ESPNL: variants seen among roughly 807,000 people sequenced by gnomAD.
ESPNL encodes the protein espin-like protein.
ESPNL carries 49 observed loss-of-function variants against 46.8 expected under a neutral mutation model. The ratio of observed to expected loss-of-function variants is 1.05; its 90% CI spans 0.83 to 1.33. The LOEUF is 1.33. Among genes scored for constraint, ESPNL ranks in the 40% most tolerant of loss-of-function variants. ESPNL has a pLI of 0.00. For synonymous variants in ESPNL, 664 were observed against 662.1 expected (o/e 1.00, Z -0.04); for missense variants, 1,540 against 1,436.6 (o/e 1.07, Z -1.16).
chr2:238,129,201 T>A, intron 8 of ESPNL: 1 of 1,324,674 alleles, frequency 7.5e-7, no homozygotes, highest in Non-Finnish European at 9.6e-7. Flanking sequence ...GGGCGCAGCG[T>A]CTAGCAGGGA....
At chr2:238,117,206 G>A (rs1216365645) in intron 5 of ESPNL, among the ~76,000 whole-genome samples, 172 bp downstream of exon 5, 1 of 152,232 alleles carries the variant, frequency 6.6e-6, no homozygotes, top group Non-Finnish European at 1.5e-5. Flanking sequence ...GGCGCCACAG[G>A]GCAGCCAGTG....
intron 1 of ESPNL, among the ~76,000 whole-genome samples, chr2:238,101,145 C>T (rs553350410): frequency 6.6e-6 from 1 of 152,316 alleles, no homozygotes; most frequent in East Asian, 1.9e-4. Context: ...TTGTCCGGAT[C>T]GTTTCTACTG....
At chr2:238,102,720 C>A (rs951886184) in intron 2 of ESPNL, among the ~76,000 whole-genome samples, 2 of 152,324 alleles carry the variant, frequency 1.3e-5, no homozygotes, top group South Asian at 4.1e-4. Flanking sequence ...CCTCCCTCCC[C>A]ACCTGGAAGC....
At chr2:238,127,170 G>A (rs1449903639) in intron 6 of ESPNL, among the ~76,000 whole-genome samples, 1 of 152,140 alleles carries the variant, frequency 6.6e-6, no homozygotes, top group East Asian at 1.9e-4. Flanking sequence ...GATTGTGTCT[G>A]TGCATGTCTG....
chr2:238,105,301 A>G (rs1463464518), intron 3 of ESPNL, among the ~76,000 whole-genome samples: 1 of 152,232 alleles, frequency 6.6e-6, no homozygotes, highest in East Asian at 1.9e-4. Context: ...ACCCCAGAGC[A>G]GAGTGGCTGA....
intron 7 of ESPNL, among the ~76,000 whole-genome samples, chr2:238,128,302 G>A (rs1343485703): frequency 6.6e-6 from 1 of 152,190 alleles, no homozygotes; most frequent in African/African-American, 2.4e-5. Context: ...GAGCGCGCAC[G>A]GCACATTGAA....
At chr2:238,107,691 G>A in intron 3 of ESPNL, 100 bp from the exon 4 acceptor site, 1 of 1,228,420 alleles carries the variant, frequency 8.1e-7, no homozygotes, top group Non-Finnish European at 1.1e-6. Flanking sequence ...GCCCCGAGAG[G>A]TACAGCCAGA....
chr2:238,128,601 T>C lies in ESPNL; in HGVS notation c.1216-106T>C. 3 of 1,075,580 alleles carry C rather than the reference T, an allele frequency of 2.8e-6. No homozygotes were observed. The South Asian group carries it at 4.6e-5, about 17-fold the overall frequency. The allele number at this position is 1,075,580 out of a possible 1,614,324, so 66.6% of individuals were successfully genotyped here. A position where few individuals can be genotyped will look rare whatever the true frequency, so the allele number is the denominator to read the frequency against. Reference sequence around the variant, plus strand: ...CTGTCCCTCCTCTCAGGGCGCCCTGTTAGCGTGCCCTGGGCGGAGCCAACC... The same window carrying C: ...CTGTCCCTCCTCTCAGGGCGCCCTGCTAGCGTGCCCTGGGCGGAGCCAACC... On this transcript the variant is annotated intron_variant, in intron 7 of 8. Transcript: ENST00000343063.
At position 238,130,456 on chromosome 2, in the gene ESPNL, A is replaced by G. The variant is rs772332047; in HGVS notation, c.1742A>G (p.Glu581Gly). Residue 581 changes from glutamate (E) to glycine (G), a missense_variant, in exon 9 of 9, where the codon GAG becomes GGG. Physicochemically the swap from Glu to Gly is moderately conservative, Grantham distance 98 (BLOSUM62 -2). Coordinates refer to ENST00000343063, the MANE Select transcript of ESPNL (RefSeq NM_194312.4). ...AEPAGSAEAS[E>G]VAPGVQPLPF... is the part of the protein sequence containing the mutation. ...CCCGCAGGGTCTGCGGAGGCCTCAG[A>G]GGTGGCCCCCGGGGTGCAGCCCCTG... 1 of 1,603,058 alleles carries G rather than the reference A, an allele frequency of 6.2e-7. No individual in the cohort carries two copies. Among genetic ancestry groups the G allele is most frequent in the Non-Finnish European group, 8.5e-7 (1 of 1,175,370 alleles).
At chr2:238,107,193 G>A (rs924705247) in intron 3 of ESPNL, among the ~76,000 whole-genome samples, 11 of 152,240 alleles carry the variant, frequency 7.2e-5, no homozygotes, top group African/African-American at 2.7e-4. Flanking sequence ...GTAGAGGACT[G>A]TCACCTGGCT....
intron 6 of ESPNL, among the ~76,000 whole-genome samples, chr2:238,126,436 G>A (rs529018206): frequency 6.6e-6 from 1 of 151,562 alleles, no homozygotes; most frequent in South Asian, 2.1e-4. Flanking sequence ...GTGTGTCTGT[G>A]TCAGTGTGTG....
At chr2:238,107,678 T>C in intron 3 of ESPNL, 113 bp from the exon 4 acceptor site, 1 of 1,104,394 alleles carries the variant, frequency 9.1e-7, no homozygotes, top group Non-Finnish European at 1.3e-6. Context: ...GGTTGTACCC[T>C]GTGCCCCGAG....
Position 238,116,922 on chromosome 2 carries a change from C to T in ESPNL, c.875C>T (p.Ser292Phe). The change falls in exon 5 of 9, where the codon TCC becomes TTC. Residue 292 changes from serine to phenylalanine, a missense_variant. Transcript: ENST00000343063. ...GQMECCQTLV[S>F]HHVDPSLRDE... Reference sequence around the variant, plus strand: ...CTGCAGTGCTGCCAGACCCTAGTCTCCCACCACGTGGACCCCTCCCTGCGG... The same window carrying T: ...CTGCAGTGCTGCCAGACCCTAGTCTTCCACCACGTGGACCCCTCCCTGCGG... 2.5e-6 allele frequency: 4 copies of T among 1,612,628 alleles called. No individual in the cohort carries two copies. Among genetic ancestry groups the T allele is most frequent in the Non-Finnish European group, 3.4e-6 (4 of 1,179,840 alleles).
Position 238,104,786 on chromosome 2 carries a change from A to C in ESPNL, c.616A>C (p.Met206Leu), listed in dbSNP as rs1691559138. ...ADVHLRALDG[M>L]SALHAAAARG... is the part of the protein sequence containing the mutation. ...CGTGCACCTTCGTGCTCTCGATGGC[A>C]TGAGCGCCCTGCACGCTGCCGCCGC... The change falls in exon 3 of 9, where the codon ATG becomes CTG. Residue 206 changes from methionine (M) to leucine (L), a missense_variant. Physicochemically the swap from Met to Leu is conservative, Grantham distance 15. Coordinates refer to ENST00000343063, the MANE Select transcript of ESPNL (RefSeq NM_194312.4). The C allele has an allele frequency of 1.9e-6, 3 of 1,590,906 alleles. No homozygotes were observed. Among genetic ancestry groups the C allele is most frequent in the Non-Finnish European group, 2.6e-6 (3 of 1,170,824 alleles).
At chr2:238,105,008 C>T (rs1167829814) in intron 3 of ESPNL, among the ~76,000 whole-genome samples, 166 bp downstream of exon 3, 1 of 152,148 alleles carries the variant, frequency 6.6e-6, no homozygotes, top group East Asian at 1.9e-4. Context: ...CAGCTCCGGC[C>T]AGGCTGGGCC....
At chr2:238,112,646 C>T (rs1447738098) in intron 4 of ESPNL, among the ~76,000 whole-genome samples, 1 of 152,124 alleles carries the variant, frequency 6.6e-6, no homozygotes, top group East Asian at 1.9e-4. Context: ...TATAAATTTT[C>T]CTCTAAGTAC....
In ESPNL at chr2:238,114,502, G is replaced by A. The variant is rs959034655; in HGVS notation, c.856-2401G>A. ...CCTCCGGGAGCAGTGCCTCTCTCCA[G>A]CGACTGGCTTCAGCGACCTGCCCCA... On this transcript the variant is annotated intron_variant, in intron 4 of 8. Coordinates refer to ENST00000343063, the MANE Select transcript of ESPNL (RefSeq NM_194312.4). The surrounding 1 kb of genome is among the most constrained non-coding windows in gnomAD (Gnocchi z 5.0). Among the ~76,000 whole-genome samples, 2 of 152,066 alleles carry A rather than the reference G, an allele frequency of 1.3e-5. No homozygotes were observed. The highest frequency in any genetic ancestry group is 1.3e-4 in the Admixed American group (2 of 15,274).
intron 5 of ESPNL, among the ~76,000 whole-genome samples, chr2:238,118,383 GAGAA>G (rs1559263295): frequency 3.9e-4 from 46 of 118,608 alleles, no homozygotes; most frequent in Non-Finnish European, 6.0e-4. Flanking sequence ...GAGGTGGATG[GAGAA>G]GGGTGGATGG....
intron 4 of ESPNL, among the ~76,000 whole-genome samples, chr2:238,115,203 CGCTGTGGCCTCCTCAG>C (rs907913475): frequency 4.6e-5 from 7 of 152,182 alleles, no homozygotes; most frequent in African/African-American, 1.7e-4. Flanking sequence ...CCCCTGGTGG[CGCTGTGGCCTCCTCAG>C]GCTGTGGCCA....
Sources: allele counts gnomAD v4.1 joint callset (sites outside exome capture counted in the v4.1 genomes callset), GRCh38; gene constraint gnomAD v4.1.1; non-coding constraint Gnocchi (gnomAD v3.1); transcripts MANE v1.5; gene names NCBI Gene and HGNC (gene_info 2026-07-23, HGNC 2026-07-21).